The following ZNG1B variants were observed in gnomAD, a reference collection of about 807,000 sequenced individuals.
ZNG1B encodes the protein zinc-regulated GTPase metalloprotein activator 1B.
chr2:113,459,873 C>T, the ZNG1B span, among the ~76,000 whole-genome samples: 2 of 135,450 alleles, frequency 1.5e-5, no homozygotes, highest in East Asian at 2.7e-4. Context: ...ATGTTGATGA[C>T]GTTAGGGATG....
the ZNG1B span, chr2:113,441,281 T>G: frequency 7.7e-7 from 1 of 1,305,228 alleles, no homozygotes; most frequent in East Asian, 2.6e-5. Flanking sequence ...AACGTTAGGA[T>G]TCTTTATATG....
At chr2:113,487,527 T>C in the ZNG1B span, among the ~76,000 whole-genome samples, 1 of 151,496 alleles carries the variant, frequency 6.6e-6, no homozygotes, top group Non-Finnish European at 1.5e-5. Context: ...GAACAGCCCC[T>C]CCCAATTTTC....
At chr2:113,457,050 A>G in the ZNG1B span, 1 of 454,648 alleles carries the variant, frequency 2.2e-6, no homozygotes, top group Non-Finnish European at 4.4e-6. Flanking sequence ...TGAAATATTC[A>G]TTTTTTAATC....
chr2:113,458,272 A>G, the ZNG1B span, among the ~76,000 whole-genome samples: 1 of 152,146 alleles, frequency 6.6e-6, no homozygotes, highest in South Asian at 2.1e-4. Context: ...TACTTTTTGC[A>G]GAGTTTGACT....
chr2:113,446,128 T>C, the ZNG1B span, among the ~76,000 whole-genome samples: 1 of 151,468 alleles, frequency 6.6e-6, no homozygotes, highest in Non-Finnish European at 1.5e-5. Context: ...AAGAAAAATA[T>C]ATTGTATGCT....
chr2:113,474,251 C>T, the ZNG1B span, among the ~76,000 whole-genome samples: 1 of 151,928 alleles, frequency 6.6e-6, no homozygotes, highest in Non-Finnish European at 1.5e-5. Flanking sequence ...TCCATTTCTT[C>T]TAGATTTTCT....
the ZNG1B span, chr2:113,462,446 C>A: frequency 6.3e-7 from 1 of 1,598,998 alleles, no homozygotes; most frequent in Admixed American, 1.7e-5. Flanking sequence ...ATTAATAAAA[C>A]AGACTTGGTT....
chr2:113,481,431 A>G, the ZNG1B span: 1 of 152,048 alleles, frequency 6.6e-6, no homozygotes, highest in East Asian at 1.9e-4. Flanking sequence ...TAGTTCCTAC[A>G]AGTTCTTTCT....
chr2:113,443,032 A>G, the ZNG1B span, among the ~76,000 whole-genome samples: 5 of 150,680 alleles, frequency 3.3e-5, no homozygotes, highest in East Asian at 9.7e-4. Context: ...GCAGTGGCAC[A>G]GTCTCGGGTC....
the ZNG1B span, among the ~76,000 whole-genome samples, chr2:113,492,165 T>C: frequency 1.4e-5 from 2 of 139,452 alleles, 1 homozygote; most frequent in East Asian, 5.7e-4. Context: ...AAGAAGTCAT[T>C]ATACGAAAAA....
At chr2:113,439,874 AT>A in the ZNG1B span, among the ~76,000 whole-genome samples, 1,029 of 68,804 alleles carry the variant, frequency 0.015, 2 homozygotes, top group East Asian at 0.057. Context: ...CCTTCCCTTA[AT>A]TTTTTTTTTT....
At chr2:113,446,557 G>C in the ZNG1B span, among the ~76,000 whole-genome samples, 1 of 151,858 alleles carries the variant, frequency 6.6e-6, no homozygotes, top group South Asian at 2.1e-4. Context: ...GACCAGCCTA[G>C]CCAACATGGT....
chr2:113,440,648 G>A, the ZNG1B span, among the ~76,000 whole-genome samples: 1 of 151,142 alleles, frequency 6.6e-6, no homozygotes, highest in Non-Finnish European at 1.5e-5. Flanking sequence ...TATTTCAGAA[G>A]ACATGTATAG....
chr2:113,450,405 T>G, the ZNG1B span, among the ~76,000 whole-genome samples: 1 of 150,070 alleles, frequency 6.7e-6, no homozygotes, highest in African/African-American at 2.5e-5. Flanking sequence ...CTCCAGTGTC[T>G]GTCCTGTTTT....
chr2:113,451,672 T>C, the ZNG1B span, among the ~76,000 whole-genome samples: 1 of 152,204 alleles, frequency 6.6e-6, no homozygotes, highest in Non-Finnish European at 1.5e-5. Flanking sequence ...TTCATTCATC[T>C]TTACTCCTCC....
the ZNG1B span, among the ~76,000 whole-genome samples, chr2:113,487,876 C>T: frequency 6.6e-6 from 1 of 151,706 alleles, no homozygotes; most frequent in East Asian, 1.9e-4. Flanking sequence ...TTTTTTTAGT[C>T]TGCTTGTACT....
the ZNG1B span, among the ~76,000 whole-genome samples, chr2:113,476,549 G>A: frequency 4.1e-5 from 6 of 147,900 alleles, no homozygotes; most frequent in East Asian, 2.0e-4. Context: ...GCGTTCCTTC[G>A]GAGGAGGAGA....
chr2:113,486,712 T>C, the ZNG1B span, among the ~76,000 whole-genome samples: 2 of 152,206 alleles, frequency 1.3e-5, no homozygotes, highest in Non-Finnish European at 2.9e-5. Context: ...GCCATGATTG[T>C]GCCACTCTAC....
At chr2:113,447,707 ATT>A in the ZNG1B span, 1 of 430,210 alleles carries the variant, frequency 2.3e-6, no homozygotes, top group Admixed American at 2.5e-5. Context: ...CTTTGTTGTC[ATT>A]TTGACAGTGT....
Sources: gnomAD v4.1 joint callset for allele counts (sites outside exome capture counted in the v4.1 genomes callset) on GRCh38, gnomAD v4.1.1 for gene constraint, MANE v1.5 for transcripts, NCBI Gene and HGNC (gene_info 2026-07-23, HGNC 2026-07-21) for gene names.